The following NCAM2 variants were observed in gnomAD, a reference collection of about 807,000 sequenced individuals.
NCAM2 encodes the protein N-CAM-2.
Under a neutral mutation model 98.1 loss-of-function variants are expected in NCAM2, and 30 were observed. That is an observed-to-expected ratio of 0.31 (90% CI 0.23 to 0.41). The LOEUF is 0.41. Among genes scored for constraint, NCAM2 ranks in the 10% least tolerant of loss-of-function variants. The pLI is 1.00. For missense variants in NCAM2, 867 were observed against 1,005.8 expected (o/e 0.86, Z 1.87); for synonymous variants, 368 against 342.4 (o/e 1.07, Z -0.83).
At chr21:21,072,164 G>A (rs9980277) in intron 1 of NCAM2, among the ~76,000 whole-genome samples, 5,617 of 152,060 alleles carry the variant, frequency 0.037, 324 homozygotes, top group African/African-American at 0.13. Flanking sequence ...CTCCCGTTTC[G>A]GCCTCCCAAA....
chr21:21,499,097 A>C (rs754281944), intron 15 of NCAM2, among the ~76,000 whole-genome samples: 7 of 152,222 alleles, frequency 4.6e-5, no homozygotes, highest in Admixed American at 6.5e-5. Flanking sequence ...CTAGCTAAGA[A>C]GTGAAGAAAT....
intron 12 of NCAM2, among the ~76,000 whole-genome samples, chr21:21,454,361 A>G (rs1381037777): frequency 6.6e-6 from 1 of 152,032 alleles, no homozygotes; most frequent in African/African-American, 2.4e-5. Flanking sequence ...CTTAGTCAAT[A>G]TATTTGAATC....
chr21:21,425,873 C>T (rs910000519), intron 11 of NCAM2, among the ~76,000 whole-genome samples: 2 of 152,116 alleles, frequency 1.3e-5, no homozygotes, highest in Non-Finnish European at 1.5e-5. Context: ...TTGCTCTATT[C>T]TGGATGCTAT....
At chr21:21,039,797 A>C (rs1010136952) in intron 1 of NCAM2, among the ~76,000 whole-genome samples, 1 of 150,358 alleles carries the variant, frequency 6.7e-6, no homozygotes, top group South Asian at 2.1e-4. Flanking sequence ...TTCTCTCTCA[A>C]GTACAGCACT....
chr21:21,225,586 C>A (rs928857), intron 1 of NCAM2, among the ~76,000 whole-genome samples: 150,876 of 152,178 alleles, frequency 0.99, 74,806 homozygotes, highest in East Asian at 1. Flanking sequence ...CAGAATATGT[C>A]TGCATATTTT....
At chr21:21,325,809 T>C (rs1442775408) in intron 6 of NCAM2, among the ~76,000 whole-genome samples, 1 of 152,138 alleles carries the variant, frequency 6.6e-6, no homozygotes, top group African/African-American at 2.4e-5. Flanking sequence ...AGCACAAAAA[T>C]AATATGAGCA....
intron 8 of NCAM2, among the ~76,000 whole-genome samples, chr21:21,342,689 G>A (rs1435640145): frequency 1.1e-4 from 17 of 152,128 alleles, no homozygotes; most frequent in Non-Finnish European, 1.9e-4. Context: ...TTATAAGGTC[G>A]CCCAAATCCA....
chr21:21,102,369 A>C (rs535766943), intron 1 of NCAM2, among the ~76,000 whole-genome samples: 52 of 152,138 alleles, frequency 3.4e-4, no homozygotes, highest in African/African-American at 1.0e-3. Context: ...TTGATAATTT[A>C]ATGTAGTTTA....
intron 5 of NCAM2, among the ~76,000 whole-genome samples, chr21:21,300,988 T>C (rs555533861): frequency 6.6e-6 from 1 of 152,174 alleles, no homozygotes; most frequent in Non-Finnish European, 1.5e-5. Context: ...GATATGCGTT[T>C]GTGTGTCGGA....
intron 1 of NCAM2, among the ~76,000 whole-genome samples, chr21:21,121,148 T>C (rs1013375957): frequency 1.3e-5 from 2 of 152,242 alleles, no homozygotes; most frequent in African/African-American, 4.8e-5. Context: ...TTGCAGATTT[T>C]CATATAAAAT....
chr21:21,288,086 T>C (rs2073165320), intron 4 of NCAM2, among the ~76,000 whole-genome samples: 1 of 151,630 alleles, frequency 6.6e-6, no homozygotes, highest in African/African-American at 2.4e-5. Context: ...CATCCTCCCA[T>C]ATATTCTAAA....
intron 1 of NCAM2, among the ~76,000 whole-genome samples, chr21:21,025,976 T>C (rs1337907920): frequency 6.6e-6 from 1 of 152,222 alleles, no homozygotes; most frequent in Non-Finnish European, 1.5e-5. Flanking sequence ...TTAATTGAAT[T>C]GTGAATGACA....
At chr21:21,317,146 G>C (rs138776344) in intron 5 of NCAM2, among the ~76,000 whole-genome samples, 1 of 152,232 alleles carries the variant, frequency 6.6e-6, no homozygotes, top group East Asian at 1.9e-4. Context: ...GTGACATCAC[G>C]TGGACACATT....
intron 1 of NCAM2, among the ~76,000 whole-genome samples, chr21:21,060,092 A>G (rs2060846244): frequency 6.6e-6 from 1 of 152,044 alleles, no homozygotes. Flanking sequence ...GCGTTTGTAC[A>G]TGCTTGACAT....
intron 7 of NCAM2, 35 bp downstream of exon 7, chr21:21,335,700 G>A: frequency 6.8e-7 from 1 of 1,471,600 alleles, no homozygotes; most frequent in Non-Finnish European, 9.0e-7. Context: ...AAACTGTTAT[G>A]TCTATTGGAA....
At chr21:21,334,462 T>C (rs2826804) in intron 6 of NCAM2, among the ~76,000 whole-genome samples, 26,074 of 152,154 alleles carry the variant, frequency 0.17, 2,608 homozygotes, top group East Asian at 0.25. Context: ...TTTGATTTTA[T>C]TTTAGAAAAT....
chr21:21,055,005 AC>A (rs2065184736), intron 1 of NCAM2, among the ~76,000 whole-genome samples: 1 of 152,050 alleles, frequency 6.6e-6, no homozygotes, highest in Non-Finnish European at 1.5e-5. Flanking sequence ...AATGTATCTC[AC>A]AAACACCCTT....
intron 12 of NCAM2, among the ~76,000 whole-genome samples, chr21:21,465,682 T>C (rs1369980434): frequency 6.6e-6 from 1 of 151,998 alleles, no homozygotes; most frequent in Non-Finnish European, 1.5e-5. Context: ...TTTAATCTTT[T>C]ATATCTCCTA....
chr21:21,213,812 T>G (rs546138068), intron 1 of NCAM2, among the ~76,000 whole-genome samples: 1 of 152,326 alleles, frequency 6.6e-6, no homozygotes, highest in East Asian at 1.9e-4. Context: ...TCCTCTTTGA[T>G]ATCTCTTATA....
Sources: gnomAD v4.1 joint callset for allele counts (sites outside exome capture counted in the v4.1 genomes callset) on GRCh38, gnomAD v4.1.1 for gene constraint, MANE v1.5 for transcripts, NCBI Gene and HGNC (gene_info 2026-07-23, HGNC 2026-07-21) for gene names.